Variants in ZNF385D observed in about 807,000 individuals in gnomAD.
ZNF385D encodes the protein zinc finger protein 385D, also known as zinc finger protein 659.
In ZNF385D, 15 loss-of-function variants were observed where a neutral mutation model predicts 35.8. The observed-to-expected ratio is 0.42, with a 90% confidence interval of 0.28 to 0.64. The LOEUF (loss-of-function observed/expected upper bound fraction) is 0.64. ZNF385D is among the 30% of genes least tolerant of loss of function. The pLI, the probability that ZNF385D is intolerant of heterozygous loss-of-function variation, is 0.23. For missense variants in ZNF385D, 474 were observed against 494.6 expected (o/e 0.96, Z 0.39); for synonymous variants, 212 against 186.8 (o/e 1.13, Z -1.10).
chr3:22,005,276 G>GA (rs1559841038), intron 3 of ZNF385D, among the ~76,000 whole-genome samples: 1 of 151,454 alleles, frequency 6.6e-6, no homozygotes, highest in African/African-American at 2.4e-5. Flanking sequence ...TTAAAAAGAT[G>GA]AAAAAAATAA....
At chr3:21,838,682 C>G (rs1444007384) in intron 3 of ZNF385D, among the ~76,000 whole-genome samples, 1 of 151,972 alleles carries the variant, frequency 6.6e-6, no homozygotes, top group Non-Finnish European at 1.5e-5. Flanking sequence ...CTCAAATGAG[C>G]CCTAGCTAGA....
Position 21,792,647 on chromosome 3 carries a change from G to T in ZNF385D, c.326-127619C>A, listed in dbSNP as rs190112889. Among the ~76,000 whole-genome samples, 14 of 152,064 alleles carry T rather than the reference G, an allele frequency of 9.2e-5. 1 individual carries two copies. The highest frequency in any genetic ancestry group is 6.2e-4 in the South Asian group (3 of 4,820). ...GGAACCCGAAGCAGATGTCCAGGGG[G>T]CCATGCAGGAGACTTGCACACACAG... On this transcript the variant is annotated intron_variant, in intron 3 of 5. Transcript: ENST00000494108.
intron 3 of ZNF385D, among the ~76,000 whole-genome samples, chr3:22,097,297 C>T (rs1449476563): frequency 1.3e-5 from 2 of 151,986 alleles, no homozygotes; most frequent in African/African-American, 4.8e-5. Context: ...AGGTTTGATG[C>T]TTCCATAATA....
intron 3 of ZNF385D, among the ~76,000 whole-genome samples, chr3:22,025,191 C>T (rs893002295): frequency 6.6e-6 from 1 of 152,150 alleles, no homozygotes; most frequent in Non-Finnish European, 1.5e-5. Context: ...ACATACCCTC[C>T]TCACCCATGC....
At chr3:21,656,134 G>A (rs527740899) in intron 2 of ZNF385D, among the ~76,000 whole-genome samples, 23 of 152,068 alleles carry the variant, frequency 1.5e-4, no homozygotes, top group African/African-American at 5.5e-4. Context: ...CACCCCACAT[G>A]TAGGCCTATA....
intron 2 of ZNF385D, among the ~76,000 whole-genome samples, chr3:22,365,018 A>C (rs889002842): frequency 3.9e-5 from 6 of 152,142 alleles, no homozygotes; most frequent in African/African-American, 1.4e-4. Flanking sequence ...GATTCCACTT[A>C]CATGAGGTAC....
intron 3 of ZNF385D, among the ~76,000 whole-genome samples, chr3:21,842,034 T>C (rs1395146695): frequency 1.3e-5 from 2 of 151,772 alleles, no homozygotes; most frequent in Non-Finnish European, 2.9e-5. Context: ...TAATTGAAAA[T>C]GTATTTGTAT....
chr3:21,860,409 A>C (rs1696982894), intron 3 of ZNF385D, among the ~76,000 whole-genome samples: 1 of 152,166 alleles, frequency 6.6e-6, no homozygotes, highest in African/African-American at 2.4e-5. Context: ...CTACATGTTT[A>C]CAGATTAATC....
intron 2 of ZNF385D, among the ~76,000 whole-genome samples, chr3:22,325,753 G>C (rs1033160313): frequency 1.3e-5 from 2 of 152,028 alleles, no homozygotes; most frequent in Middle Eastern, 3.4e-3. Context: ...GCGAGACTCT[G>C]TCTCAAAAAA....
At chr3:22,160,838 G>A (rs533562475) in intron 3 of ZNF385D, among the ~76,000 whole-genome samples, 13 of 152,060 alleles carry the variant, frequency 8.5e-5, no homozygotes, top group Admixed American at 3.9e-4. Flanking sequence ...AAGCTGACAC[G>A]GTAGGTCAAC....
chr3:22,339,639 A>C (rs560062898), intron 2 of ZNF385D, among the ~76,000 whole-genome samples: 1 of 152,298 alleles, frequency 6.6e-6, no homozygotes, highest in East Asian at 1.9e-4. Context: ...AAGAAAGGCG[A>C]TTATCCTTGC....
At chr3:22,215,117 G>A (rs112203787) in intron 2 of ZNF385D, among the ~76,000 whole-genome samples, 466 of 151,958 alleles carry the variant, frequency 3.1e-3, no homozygotes, top group African/African-American at 0.011. Context: ...TTGAAATATC[G>A]GGGGTGACTT....
chr3:21,717,233 G>A (rs888461274), intron 1 of ZNF385D, among the ~76,000 whole-genome samples: 1 of 152,116 alleles, frequency 6.6e-6, no homozygotes, highest in Non-Finnish European at 1.5e-5. Context: ...CAAGGCAAAA[G>A]TTTTTGTGAA....
intron 2 of ZNF385D, among the ~76,000 whole-genome samples, chr3:21,639,628 A>G (rs760298585): frequency 6.6e-6 from 1 of 151,954 alleles, no homozygotes. Flanking sequence ...CAGCATTTTG[A>G]TATTGTAAAT....
intron 3 of ZNF385D, among the ~76,000 whole-genome samples, chr3:21,927,523 G>A (rs913351639): frequency 3.9e-5 from 6 of 152,116 alleles, no homozygotes; most frequent in Non-Finnish European, 2.9e-5. Context: ...ACAATACTCA[G>A]TATTAAAACG....
intron 3 of ZNF385D, among the ~76,000 whole-genome samples, chr3:22,016,574 G>A (rs78881159): frequency 2.0e-5 from 3 of 151,918 alleles, no homozygotes; most frequent in Non-Finnish European, 4.4e-5. Flanking sequence ...ATTTCAGAAC[G>A]GGCATGTGAT....
intron 3 of ZNF385D, among the ~76,000 whole-genome samples, chr3:21,849,339 G>T (rs909651346): frequency 4.6e-5 from 7 of 152,042 alleles, no homozygotes; most frequent in African/African-American, 1.7e-4. Flanking sequence ...TACTTAAAGA[G>T]TTTGTGAATT....
At chr3:21,949,773 T>G (rs552119542) in intron 3 of ZNF385D, among the ~76,000 whole-genome samples, 2 of 152,150 alleles carry the variant, frequency 1.3e-5, no homozygotes, top group East Asian at 3.9e-4. Flanking sequence ...GTTCTCATTG[T>G]TCGACTCCCA....
At chr3:22,083,383 C>T (rs1700860088) in intron 3 of ZNF385D, among the ~76,000 whole-genome samples, 1 of 152,126 alleles carries the variant, frequency 6.6e-6, no homozygotes, top group African/African-American at 2.4e-5. Context: ...TAGAGAAGAC[C>T]TTAAATGACC....
Sources: allele counts gnomAD v4.1 joint callset (sites outside exome capture counted in the v4.1 genomes callset), GRCh38; gene constraint gnomAD v4.1.1; transcripts MANE v1.5; gene names NCBI Gene and HGNC (gene_info 2026-07-23, HGNC 2026-07-21).